Variants in BICRA observed in about 807,000 individuals in gnomAD.
The protein encoded by BICRA is BRD4-interacting chromatin-remodeling complex-associated protein.
In BICRA, 31 loss-of-function variants were observed where a neutral mutation model predicts 96.9. The observed-to-expected ratio is 0.32, with a 90% confidence interval of 0.24 to 0.43. The LOEUF (loss-of-function observed/expected upper bound fraction) is 0.43, where lower values mean the gene tolerates loss of function less well. Among genes scored for constraint, BICRA ranks in the 20% least tolerant of loss-of-function variants. BICRA has a pLI of 1.00. For synonymous variants in BICRA, 1,350 were observed against 1,071.8 expected (o/e 1.26, Z -5.07); for missense variants, 2,283 against 2,190.3 (o/e 1.04, Z -0.84).
chr19:47,656,026 G>T (rs1972611666), intron 1 of BICRA, among the ~76,000 whole-genome samples: 1 of 150,638 alleles, frequency 6.6e-6, no homozygotes, highest in Admixed American at 6.7e-5. Context: ...CTTGAACCCA[G>T]GAGGTCGAGA....
intron 1 of BICRA, among the ~76,000 whole-genome samples, chr19:47,615,262 G>A (rs564970782): frequency 3.3e-5 from 5 of 152,334 alleles, no homozygotes; most frequent in East Asian, 3.9e-4. Flanking sequence ...GATTACAGGC[G>A]TGAGCCACCG....
intron 1 of BICRA, among the ~76,000 whole-genome samples, chr19:47,638,739 C>CG (rs1376242025): frequency 4.0e-5 from 6 of 151,696 alleles, no homozygotes; most frequent in Non-Finnish European, 4.4e-5. Flanking sequence ...CACTGCAACC[C>CG]CCACTCCCTG....
At chr19:47,636,673 A>G (rs927706210) in intron 1 of BICRA, among the ~76,000 whole-genome samples, 1 of 151,970 alleles carries the variant, frequency 6.6e-6, no homozygotes, top group African/African-American at 2.4e-5. Context: ...ACACCCAGCT[A>G]ATTTTTCTAT....
chr19:47,631,750 G>T (rs1972225146), intron 1 of BICRA, among the ~76,000 whole-genome samples: 1 of 152,100 alleles, frequency 6.6e-6, no homozygotes, highest in Non-Finnish European at 1.5e-5. Flanking sequence ...TTGGGTTCAA[G>T]CAATTCTCCT....
chr19:47,675,827 TG>T lies in BICRA; in HGVS notation c.85-22del, dbSNP rs1176498713. 1.2e-6 allele frequency: 2 copies of T among 1,601,542 alleles called. No homozygotes were observed. Among genetic ancestry groups the T allele is most frequent in the Admixed American group, 1.7e-5 (1 of 58,514 alleles). On this transcript the variant is annotated intron_variant, in intron 4 of 14. Coordinates refer to ENST00000594866, the MANE Select transcript of BICRA (RefSeq NM_001394372.1). This position sits in a 1 kb window ranked among gnomAD's most constrained non-coding sequence, Gnocchi z 4.7. Reference sequence around the variant, plus strand: ...GGCCTGCCCTGCTGACTTTTGACCTTGGATGGGGCGGGTCTTGTTGCAGCTT... The same window carrying T: ...GGCCTGCCCTGCTGACTTTTGACCTTGATGGGGCGGGTCTTGTTGCAGCTT...
chr19:47,635,394 C>T (rs112973272), intron 1 of BICRA, among the ~76,000 whole-genome samples: 1 of 151,826 alleles, frequency 6.6e-6, no homozygotes, highest in African/African-American at 2.4e-5. Context: ...ACTACAGGAG[C>T]GTGCCACCAC....
At position 47,675,572 on chromosome 19, in the gene BICRA, G is replaced by T. The variant is rs868154777; in HGVS notation, c.85-279G>T. ...GTGGCAGGGCGCAGCTTGGGCAGAG[G>T]CGTGAAGGCAGGATTCCGGAATTCG... On this transcript the variant is annotated intron_variant, in intron 4 of 14. Transcript: ENST00000594866. The surrounding 1 kb of genome is among the most constrained non-coding windows in gnomAD (Gnocchi z 4.7). Among the ~76,000 whole-genome samples the T allele has an allele frequency of 1.3e-5, 2 of 152,198 alleles. No individual in the cohort carries two copies. Among genetic ancestry groups the T allele is most frequent in the Non-Finnish European group, 2.9e-5 (2 of 68,036 alleles).
intron 1 of BICRA, among the ~76,000 whole-genome samples, chr19:47,619,484 C>G (rs1003762072): frequency 6.6e-6 from 1 of 152,096 alleles, no homozygotes; most frequent in Non-Finnish European, 1.5e-5. Context: ...GTCTCGAACT[C>G]CTGACCTCAG....
Position 47,702,297 on chromosome 19 carries a change from C to T in BICRA, c.4565C>T (p.Ser1522Leu), listed in dbSNP as rs1186261410. The T allele has an allele frequency of 3.8e-6, 6 of 1,587,302 alleles. No individual in the cohort carries two copies. The highest frequency in any genetic ancestry group is 1.8e-4 in the Middle Eastern group (1 of 5,636). Residue 1522 changes from serine to leucine, a missense_variant, in exon 15 of 15, where the codon TCG becomes TTG. Coordinates refer to ENST00000594866, the MANE Select transcript of BICRA (RefSeq NM_001394372.1). ...GCCCCCGGCCGGACGCCCGCGCCCT[C>T]GTACCCCCACGCTGCCTCGGCCGGC... is the stretch of plus-strand genomic sequence containing the variant. ...QQAPGRTPAP[S>L]YPHAASAGTP...
chr19:47,609,913 AC>A (rs976308892), intron 1 of BICRA, among the ~76,000 whole-genome samples: 29 of 151,574 alleles, frequency 1.9e-4, no homozygotes, highest in Non-Finnish European at 3.7e-4. Context: ...GAGGGAGGTG[AC>A]CCCCTCCCCC....
chr19:47,672,007 T>G (rs1369258616), intron 2 of BICRA, among the ~76,000 whole-genome samples: 232 of 26,266 alleles, frequency 8.8e-3, no homozygotes, highest in Middle Eastern at 0.023. Context: ...ATGGAGGGAT[T>G]GGTAGGTAGA....
chr19:47,698,921 C>A lies in BICRA; in HGVS notation c.3398-44C>A, dbSNP rs376554123. The A allele has an allele frequency of 2.7e-6, 4 of 1,463,108 alleles. No homozygotes were observed. Among genetic ancestry groups the A allele is most frequent in the Non-Finnish European group, 2.8e-6 (3 of 1,064,512 alleles). 90.6% of individuals were successfully genotyped at this position (1,463,108 alleles called of 1,614,324 possible). A position where few individuals can be genotyped will look rare whatever the true frequency, so the allele number is the denominator to read the frequency against. On this transcript the variant is annotated intron_variant, in intron 12 of 14. Transcript: ENST00000594866. This position sits in a 1 kb window ranked among gnomAD's most constrained non-coding sequence, Gnocchi z 4.8. ...GCCCTCCTTCCTGCGCATCCGCGGC[C>A]GCCCCCAACATCTCCGCCCTTGCCT...
At chr19:47,647,946 T>C (rs539785575) in intron 1 of BICRA, among the ~76,000 whole-genome samples, 19 of 150,850 alleles carry the variant, frequency 1.3e-4, no homozygotes, top group Admixed American at 3.3e-4. Flanking sequence ...GGGTTGTTTA[T>C]TGGGGGTGGG....
At chr19:47,677,153 C>T (rs1972954141) in intron 5 of BICRA, among the ~76,000 whole-genome samples, 1 of 152,172 alleles carries the variant, frequency 6.6e-6, no homozygotes, top group African/African-American at 2.4e-5. Flanking sequence ...TGGAGAATCA[C>T]AATAATAATG....
chr19:47,639,598 G>T (rs989223711), intron 1 of BICRA, among the ~76,000 whole-genome samples: 3 of 149,952 alleles, frequency 2.0e-5, no homozygotes, highest in Non-Finnish European at 4.4e-5. Context: ...AAAGTGCTGG[G>T]ATTACAGGCG....
At position 47,701,298 on chromosome 19, in the gene BICRA, C is replaced by G. The variant is rs769619218; in HGVS notation, c.3596-30C>G. On this transcript the variant is annotated intron_variant, in intron 14 of 14. Coordinates refer to ENST00000594866, the MANE Select transcript of BICRA (RefSeq NM_001394372.1). The surrounding 1 kb of genome is among the most constrained non-coding windows in gnomAD (Gnocchi z 5.4). ...CGGTCGGGGGGTCCTCATCCTAACC[C>G]CGCGGGTTTTCTTTGCCCCGATTCT... 1.3e-6 allele frequency: 2 copies of G among 1,568,694 alleles called. No individual in the cohort carries two copies. The highest frequency in any genetic ancestry group is 2.2e-5 in the South Asian group (2 of 89,698).
rs1229436671 is a variant in BICRA at position 47,696,497 on chromosome 19, C to T, written c.3233C>T (p.Pro1078Leu). 6.2e-7 allele frequency: 1 copy of T among 1,604,550 alleles called. No homozygotes were observed. Among genetic ancestry groups the T allele is most frequent in the East Asian group, 2.2e-5 (1 of 44,478 alleles). ...SGLKKPPTLQ[P>L]SKEACFLEHL... ...CTGAAGAAGCCCCCCACGCTTCAGC[C>T]CAGCAAGGAAGCCTGGTGAGTCCAC... The change falls in exon 11 of 15, where the codon CCC becomes CTC. Residue 1078 changes from proline (P) to leucine (L), a missense_variant. Coordinates refer to ENST00000594866, the MANE Select transcript of BICRA (RefSeq NM_001394372.1).
chr19:47,695,342 T>TCGGGGCGCCCCCCCCCCCCCCCCC, intron 9 of BICRA, 23 bp from the exon 10 acceptor site: 2 of 630,198 alleles, frequency 3.2e-6, no homozygotes, highest in Non-Finnish European at 5.7e-6. Flanking sequence ...AGGCCCTGTC[T>TCGGGGCGCCCCCCCCCCCCCCCCC]CCCCCACCCC....
At chr19:47,676,555 C>A (rs370987518) in intron 5 of BICRA, among the ~76,000 whole-genome samples, 1,189 of 114,416 alleles carry the variant, frequency 0.01, 20 homozygotes, top group African/African-American at 0.037. Flanking sequence ...TTCCTCCCCC[C>A]ACCTTCCTTC....
Sources: allele counts gnomAD v4.1 joint callset (sites outside exome capture counted in the v4.1 genomes callset), GRCh38; gene constraint gnomAD v4.1.1; non-coding constraint Gnocchi (gnomAD v3.1); transcripts MANE v1.5; gene names NCBI Gene and HGNC (gene_info 2026-07-23, HGNC 2026-07-21).